The following DDX10 variants were observed in gnomAD, a reference collection of about 807,000 sequenced individuals.
The protein encoded by DDX10 is DEAD-box helicase 10, also known as probable ATP-dependent RNA helicase DDX10.
In DDX10, 74 loss-of-function variants were observed where a neutral mutation model predicts 104.3. The ratio of observed to expected loss-of-function variants is 0.71; its 90% CI spans 0.59 to 0.86. DDX10 has a LOEUF of 0.86. Ranked by LOEUF, DDX10 falls within the 40% of genes least tolerant of loss-of-function variation. DDX10 has a pLI of 0.00. For missense variants in DDX10, 952 were observed against 1,040.0 expected (o/e 0.92, Z 1.16); for synonymous variants, 351 against 353.4 (o/e 0.99, Z 0.08).
At chr11:108,701,886 A>G (rs1397430132) in intron 9 of DDX10, among the ~76,000 whole-genome samples, 1 of 151,970 alleles carries the variant, frequency 6.6e-6, no homozygotes, top group African/African-American at 2.4e-5. Flanking sequence ...GGGTTTTGCC[A>G]TGTTGGCCAG....
intron 6 of DDX10, among the ~76,000 whole-genome samples, chr11:108,686,976 G>A (rs1415241703): frequency 6.6e-6 from 1 of 151,976 alleles, no homozygotes; most frequent in Non-Finnish European, 1.5e-5. Flanking sequence ...TAGTAGAGAT[G>A]GGGTCTCACT....
chr11:108,734,271 A>C (rs146110180), intron 13 of DDX10, among the ~76,000 whole-genome samples: 1 of 152,268 alleles, frequency 6.6e-6, no homozygotes, highest in Admixed American at 6.5e-5. Context: ...GCTACCATGA[A>C]GTGAAACAAT....
intron 15 of DDX10, among the ~76,000 whole-genome samples, chr11:108,849,915 C>G (rs1366332800): frequency 1.3e-5 from 2 of 151,822 alleles, no homozygotes; most frequent in Non-Finnish European, 2.9e-5. Flanking sequence ...TTATTTTTTT[C>G]CTACTCCCAC....
intron 13 of DDX10, among the ~76,000 whole-genome samples, chr11:108,825,802 A>G (rs1053889608): frequency 3.6e-4 from 55 of 152,236 alleles, no homozygotes; most frequent in Non-Finnish European, 7.3e-5. Context: ...CATACAGAAA[A>G]AAGATTAACA....
chr11:108,909,876 T>C (rs1294309410), intron 16 of DDX10, among the ~76,000 whole-genome samples: 2 of 152,180 alleles, frequency 1.3e-5, no homozygotes, highest in Non-Finnish European at 2.9e-5. Context: ...AGAAATAGCA[T>C]GCACGAAGAC....
intron 1 of DDX10, among the ~76,000 whole-genome samples, chr11:108,665,991 T>C (rs1449140094): frequency 6.6e-6 from 1 of 152,176 alleles, no homozygotes; most frequent in Non-Finnish European, 1.5e-5. Flanking sequence ...ATCCCCACAT[T>C]GTAGCTGGTG....
At chr11:108,893,425 C>G (rs1011756596) in intron 16 of DDX10, among the ~76,000 whole-genome samples, 1 of 152,088 alleles carries the variant, frequency 6.6e-6, no homozygotes, top group Non-Finnish European at 1.5e-5. Flanking sequence ...ATGTGAAATT[C>G]TAACAGATTT....
intron 13 of DDX10, among the ~76,000 whole-genome samples, chr11:108,789,714 G>C (rs1861844623): frequency 1.3e-5 from 2 of 152,268 alleles, no homozygotes; most frequent in African/African-American, 4.8e-5. Flanking sequence ...GCTTTTCACT[G>C]CAGGTAACAG....
chr11:108,816,022 A>G (rs551718026), intron 13 of DDX10, among the ~76,000 whole-genome samples: 9 of 151,654 alleles, frequency 5.9e-5, no homozygotes, highest in Non-Finnish European at 1.3e-4. Flanking sequence ...AAACTCAAGG[A>G]TGAACATCTT....
intron 17 of DDX10, among the ~76,000 whole-genome samples, chr11:108,926,509 T>C (rs1296215434): frequency 6.6e-6 from 1 of 152,194 alleles, no homozygotes; most frequent in Admixed American, 6.5e-5. Flanking sequence ...AGTTTTTTCC[T>C]CTCCTTTTGC....
At chr11:108,760,195 C>T (rs974828048) in intron 13 of DDX10, among the ~76,000 whole-genome samples, 2 of 151,638 alleles carry the variant, frequency 1.3e-5, no homozygotes, top group African/African-American at 4.8e-5. Flanking sequence ...ATTCAATATG[C>T]TTAAGTGTTA....
chr11:108,740,348 A>T (rs2726891), intron 13 of DDX10, among the ~76,000 whole-genome samples: 134,055 of 152,216 alleles, frequency 0.88, 59,395 homozygotes, highest in East Asian at 0.99. Flanking sequence ...TAGTATTCCG[A>T]TGTGTGTACA....
At chr11:108,804,883 A>C (rs548527823) in intron 13 of DDX10, among the ~76,000 whole-genome samples, 1 of 152,362 alleles carries the variant, frequency 6.6e-6, no homozygotes, top group Non-Finnish European at 1.5e-5. Context: ...AGGGGCCTTT[A>C]GGAGGTATTA....
At chr11:108,698,473 G>T (rs1180787415) in intron 9 of DDX10, among the ~76,000 whole-genome samples, 1 of 152,186 alleles carries the variant, frequency 6.6e-6, no homozygotes, top group African/African-American at 2.4e-5. Context: ...TTTAAAGGTT[G>T]CATAAAAGGT....
rs1006532023 is a variant in DDX10, at chr11:108,681,183, T to C, written c.848+1623T>C. ...TTCATAATTTATGCAAGTTAATTTG[T>C]ACGTATTATTTCCTATCCCCAATTT... On this transcript the variant is annotated intron_variant, in intron 6 of 17. Transcript: ENST00000322536. Among the ~76,000 whole-genome samples, 11 of 152,346 alleles carry C rather than the reference T, an allele frequency of 7.2e-5. No individual in the cohort carries two copies. The East Asian group carries it at 1.7e-3, about 24-fold the overall frequency.
chr11:108,783,031 C>G (rs922244150), intron 13 of DDX10, among the ~76,000 whole-genome samples: 3 of 152,150 alleles, frequency 2.0e-5, no homozygotes, highest in Admixed American at 6.5e-5. Flanking sequence ...CCTGTTAAAC[C>G]TGTAAAACTC....
intron 13 of DDX10, among the ~76,000 whole-genome samples, chr11:108,810,770 A>G (rs1472524832): frequency 1.3e-5 from 2 of 152,180 alleles, no homozygotes; most frequent in South Asian, 2.1e-4. Flanking sequence ...TTTTTCTCCA[A>G]AAAAACCCAG....
chr11:108,743,315 A>T (rs2094327548), intron 13 of DDX10, among the ~76,000 whole-genome samples: 2 of 152,222 alleles, frequency 1.3e-5, no homozygotes, highest in Non-Finnish European at 2.9e-5. Flanking sequence ...AAAGGCTTTC[A>T]GTAAAATTTA....
intron 6 of DDX10, among the ~76,000 whole-genome samples, chr11:108,685,140 A>T (rs2094241709): frequency 6.6e-6 from 1 of 150,782 alleles, no homozygotes; most frequent in Non-Finnish European, 1.5e-5. Context: ...ATTTTCTCCC[A>T]TGTTGTAGGT....
Sources: gnomAD v4.1 joint callset for allele counts (sites outside exome capture counted in the v4.1 genomes callset) on GRCh38, gnomAD v4.1.1 for gene constraint, MANE v1.5 for transcripts, NCBI Gene and HGNC (gene_info 2026-07-23, HGNC 2026-07-21) for gene names.